CLPTM1: variants seen among roughly 807,000 people sequenced by gnomAD.
The protein encoded by CLPTM1 is CLPTM1 regulator of GABA type A receptor forward trafficking, also known as putative lipid scramblase CLPTM1.
Under a neutral mutation model 77.3 loss-of-function variants are expected in CLPTM1, and 21 were observed. The ratio of observed to expected loss-of-function variants is 0.27; its 90% CI spans 0.19 to 0.39. The LOEUF (loss-of-function observed/expected upper bound fraction) is 0.39, where lower values mean the gene tolerates loss of function less well. Ranked by LOEUF, CLPTM1 falls within the 10% of genes least tolerant of loss-of-function variation. The pLI is 1.00. For missense variants in CLPTM1, 642 were observed against 921.2 expected (o/e 0.70, Z 3.92); for synonymous variants, 373 against 381.0 (o/e 0.98, Z 0.24).
chr19:44,973,352 T>C, intron 3 of CLPTM1, 142 bp downstream of exon 3: 2 of 1,059,308 alleles, frequency 1.9e-6, no homozygotes, highest in Non-Finnish European at 2.7e-6. Flanking sequence ...GTTGAGGAAC[T>C]CTGGGCCCAT....
intron 2 of CLPTM1, among the ~76,000 whole-genome samples, chr19:44,964,563 A>C (rs1970598474): frequency 6.6e-6 from 1 of 151,932 alleles, no homozygotes; most frequent in Non-Finnish European, 1.5e-5. Flanking sequence ...CACCCGCCTC[A>C]GCCTCCTAAA....
upstream of CLPTM1, chr19:44,955,363 C>T: frequency 1.6e-5 from 11 of 699,090 alleles, no homozygotes; most frequent in Middle Eastern, 6.1e-4. Context: ...CGGGGCGGGG[C>T]TGGCGGCGGG....
At chr19:44,985,741 C>A (rs145085327) in intron 6 of CLPTM1, among the ~76,000 whole-genome samples, 84 of 152,296 alleles carry the variant, frequency 5.5e-4, no homozygotes, top group African/African-American at 1.9e-3. Flanking sequence ...GGCTGGGGAG[C>A]CGGGCAGTTA....
intron 6 of CLPTM1, among the ~76,000 whole-genome samples, 169 bp from the exon 7 acceptor site, chr19:44,986,286 G>GC (rs1231975152): frequency 0.08 from 4 of 50 alleles, no homozygotes; most frequent in African/African-American, 0.25. Flanking sequence ...TCGTGCTTGA[G>GC]CCCAGAATTC....
chr19:44,955,660 G>A lies in CLPTM1; in HGVS notation c.72+193G>A, dbSNP rs992564786. 17 of 484,552 alleles carry A rather than the reference G, an allele frequency of 3.5e-5. No homozygotes were observed. The South Asian group carries it at 6.6e-4, about 19-fold the overall frequency. The allele number at this position is 484,552 out of a possible 1,614,324, so 30.0% of individuals were successfully genotyped here. ...TGCCGGGAACAGGGCCCTGTTGCGG[G>A]TCGGTTCCCCTGCACGCTCGAGCCG... is the stretch of plus-strand genomic sequence containing the variant. On this transcript the variant is annotated intron_variant, in intron 1 of 13. Coordinates refer to ENST00000337392, the MANE Select transcript of CLPTM1 (RefSeq NM_001294.4).
At chr19:44,972,221 TG>T (rs1437097615) in intron 2 of CLPTM1, among the ~76,000 whole-genome samples, 2 of 151,632 alleles carry the variant, frequency 1.3e-5, no homozygotes, top group Non-Finnish European at 2.9e-5. Flanking sequence ...AGAGTTGCCG[TG>T]TTTTGCTACC....
At position 44,955,385 on chromosome 19, in the gene CLPTM1, G is replaced by A. The variant is rs1970444117; in HGVS notation, c.-11G>A. 7.5e-7 allele frequency: 1 copy of A among 1,332,022 alleles called. No individual in the cohort carries two copies. The highest frequency in any genetic ancestry group is 9.6e-7 in the Non-Finnish European group (1 of 1,041,596). 82.5% of individuals were successfully genotyped at this position (1,332,022 alleles called of 1,614,324 possible). ...GGGCTGGCGGCGGGGGCGGGGACCCGGAGCGGGAAGATGGCGGCGGCGCAG... is the reference window on the plus strand; with the variant it reads ...GGGCTGGCGGCGGGGGCGGGGACCCAGAGCGGGAAGATGGCGGCGGCGCAG... On this transcript the variant is annotated 5_prime_UTR_variant, in exon 1 of 14. Coordinates refer to ENST00000337392, the MANE Select transcript of CLPTM1 (RefSeq NM_001294.4).
In CLPTM1 at chr19:44,963,103, G is replaced by A. The variant is rs567868420; in HGVS notation, c.185+1028G>A. On this transcript the variant is annotated intron_variant, in intron 2 of 13. Coordinates refer to ENST00000337392, the MANE Select transcript of CLPTM1 (RefSeq NM_001294.4). ...CGTGCCTGTAGTCCCAGCTACTCAG[G>A]AGGCTGAGGGCAGGAGAATCGTTTG... is the stretch of plus-strand genomic sequence containing the variant. 2.7e-5 allele frequency among the ~76,000 whole-genome samples: 4 copies of A among 149,354 alleles called. No individual in the cohort carries two copies. In the East Asian group the frequency reaches 8.2e-4, roughly 31 times the overall value.
chr19:44,979,034 G>A (rs147652939), intron 5 of CLPTM1, among the ~76,000 whole-genome samples: 25 of 149,254 alleles, frequency 1.7e-4, no homozygotes, highest in African/African-American at 5.5e-4. Flanking sequence ...AGGCTGGAGT[G>A]CAGTGGACTA....
intron 2 of CLPTM1, among the ~76,000 whole-genome samples, chr19:44,972,081 C>T (rs865953294): frequency 6.6e-6 from 1 of 151,134 alleles, no homozygotes; most frequent in African/African-American, 2.4e-5. Flanking sequence ...ATGTTGGCCA[C>T]GATGATCTCG....
intron 3 of CLPTM1, among the ~76,000 whole-genome samples, 161 bp downstream of exon 3, chr19:44,973,371 C>T (rs556689641): frequency 1.3e-5 from 2 of 152,304 alleles, no homozygotes; most frequent in South Asian, 4.1e-4. Flanking sequence ...ATCCCCAACA[C>T]GTGAGACCTC....
At chr19:44,969,839 C>T (rs986155355) in intron 2 of CLPTM1, among the ~76,000 whole-genome samples, 6 of 151,832 alleles carry the variant, frequency 4.0e-5, no homozygotes, top group African/African-American at 1.2e-4. Context: ...AGGCGCCCGC[C>T]ACCACGCCCG....
At chr19:44,960,672 G>C (rs1176745876) in intron 1 of CLPTM1, among the ~76,000 whole-genome samples, 1 of 152,208 alleles carries the variant, frequency 6.6e-6, no homozygotes, top group Non-Finnish European at 1.5e-5. Context: ...GGTGAATGGA[G>C]AAAACATTGC....
chr19:44,955,270 C>G, upstream of CLPTM1: 1 of 1,466,384 alleles, frequency 6.8e-7, no homozygotes, highest in Non-Finnish European at 9.0e-7. Context: ...AGAGGCGTGG[C>G]TGCGGCACTC....
At chr19:44,986,386 T>G in intron 6 of CLPTM1, 69 bp from the exon 7 acceptor site, 1 of 1,552,394 alleles carries the variant, frequency 6.4e-7, no homozygotes, top group Non-Finnish European at 8.7e-7. Context: ...GGGGAGGAAG[T>G]GTACAGAGAG....
intron 9 of CLPTM1, among the ~76,000 whole-genome samples, chr19:44,989,083 T>C (rs1971028286): frequency 6.6e-6 from 1 of 152,166 alleles, no homozygotes; most frequent in South Asian, 2.1e-4. Context: ...CTCGGGAGGC[T>C]TGGGCCTGAA....
chr19:44,990,392 C>T lies in CLPTM1; in HGVS notation c.1133-3C>T. Reference sequence around the variant, plus strand: ...CTGGTTCCCCCCTACCCCCTGCGCACAGATATCCAGTTCTGGAACAGCCGG... The same window carrying T: ...CTGGTTCCCCCCTACCCCCTGCGCATAGATATCCAGTTCTGGAACAGCCGG... On this transcript the variant is annotated splice_polypyrimidine_tract_variant and splice_region_variant and intron_variant, in intron 9 of 13. Coordinates refer to ENST00000337392, the MANE Select transcript of CLPTM1 (RefSeq NM_001294.4). This position sits in a 1 kb window ranked among gnomAD's most constrained non-coding sequence, Gnocchi z 4.8. 6.2e-7 allele frequency: 1 copy of T among 1,613,864 alleles called. No homozygotes were observed. The highest frequency in any genetic ancestry group is 8.5e-7 in the Non-Finnish European group (1 of 1,179,860).
intron 8 of CLPTM1, 44 bp downstream of exon 8, chr19:44,987,467 G>A (rs1361307107): frequency 6.2e-7 from 1 of 1,604,392 alleles, no homozygotes; most frequent in South Asian, 1.1e-5. Context: ...TGCCTTCCTG[G>A]GCGCAAGAGG....
intron 2 of CLPTM1, among the ~76,000 whole-genome samples, chr19:44,970,239 T>G (rs1004503205): frequency 6.8e-6 from 1 of 146,914 alleles, no homozygotes; most frequent in Non-Finnish European, 1.5e-5. Flanking sequence ...ACGAGTGGCC[T>G]TGCATACTTC....
Sources: allele counts gnomAD v4.1 joint callset (sites outside exome capture counted in the v4.1 genomes callset), GRCh38; gene constraint gnomAD v4.1.1; non-coding constraint Gnocchi (gnomAD v3.1); transcripts MANE v1.5; gene names NCBI Gene and HGNC (gene_info 2026-07-23, HGNC 2026-07-21).